The following SLC26A7 variants were observed in gnomAD, a reference collection of about 807,000 sequenced individuals.
SLC26A7 encodes anion exchange transporter.
SLC26A7 carries 59 observed loss-of-function variants against 82.5 expected under a neutral mutation model. The observed-to-expected ratio is 0.72, with a 90% CI of 0.58 to 0.89. SLC26A7 has a LOEUF of 0.89. Ranked by LOEUF, SLC26A7 falls within the 40% of genes least tolerant of loss-of-function variation. SLC26A7 has a pLI of 0.00. For synonymous variants in SLC26A7, 271 were observed against 274.3 expected (o/e 0.99, Z 0.12); for missense variants, 820 against 793.0 (o/e 1.03, Z -0.41).
chr8:91,361,144 A>T (rs1272246606), intron 11 of SLC26A7, among the ~76,000 whole-genome samples: 1 of 152,200 alleles, frequency 6.6e-6, no homozygotes, highest in East Asian at 1.9e-4. Flanking sequence ...TTTTAAGGAT[A>T]AAATTCCCTC....
intron 2 of SLC26A7, among the ~76,000 whole-genome samples, chr8:91,261,234 G>A (rs572992683): frequency 2.0e-5 from 3 of 152,070 alleles, no homozygotes; most frequent in Admixed American, 6.6e-5. Context: ...AAAGAATACA[G>A]CCTTTTGCTA....
chr8:91,289,068 T>C, intron 2 of SLC26A7, 68 bp from the exon 3 acceptor site: 1 of 984,590 alleles, frequency 1.0e-6, no homozygotes, highest in Non-Finnish European at 1.6e-6. Flanking sequence ...CCAATACCTA[T>C]TCTTTTGTGT....
At chr8:91,343,191 C>T in intron 8 of SLC26A7, 162 bp from the exon 9 acceptor site, 1 of 558,482 alleles carries the variant, frequency 1.8e-6, no homozygotes, top group Non-Finnish European at 3.2e-6. Flanking sequence ...ATTGTAAGCA[C>T]CCAATAAATG....
At chr8:91,353,700 A>T (rs1162384889) in intron 11 of SLC26A7, among the ~76,000 whole-genome samples, 4 of 151,862 alleles carry the variant, frequency 2.6e-5, no homozygotes. Context: ...TGAAATACAT[A>T]TTTTCTCTTC....
intron 18 of SLC26A7, chr8:91,394,663 G>C: frequency 9.0e-7 from 1 of 1,111,462 alleles, no homozygotes; most frequent in South Asian, 3.2e-5. Flanking sequence ...AATCAGAACA[G>C]TATGTATTTA....
chr8:91,222,189 A>G (rs1022950446), intron 2 of SLC26A7, among the ~76,000 whole-genome samples: 8 of 152,106 alleles, frequency 5.3e-5, no homozygotes, highest in African/African-American at 1.4e-4. Context: ...TTATTGGTGT[A>G]TAGGAATGCT....
chr8:91,297,139 A>G (rs1383121707), intron 4 of SLC26A7, among the ~76,000 whole-genome samples: 3 of 152,092 alleles, frequency 2.0e-5, no homozygotes, highest in Non-Finnish European at 2.9e-5. Flanking sequence ...GGTTTTTACT[A>G]GAGTTGGATA....
intron 2 of SLC26A7, among the ~76,000 whole-genome samples, chr8:91,224,777 C>T (rs778181739): frequency 1.4e-4 from 22 of 152,196 alleles, no homozygotes; most frequent in African/African-American, 1.7e-4. Flanking sequence ...TTCCTCAGAA[C>T]GACCAGGAGG....
At chr8:91,313,340 A>G (rs1258974186) in intron 4 of SLC26A7, among the ~76,000 whole-genome samples, 1 of 152,088 alleles carries the variant, frequency 6.6e-6, no homozygotes, top group African/African-American at 2.4e-5. Flanking sequence ...ATTGGTCTAT[A>G]TATCTTTTTA....
At chr8:91,318,520 G>A in intron 5 of SLC26A7, 140 bp downstream of exon 5, 1 of 611,434 alleles carries the variant, frequency 1.6e-6, no homozygotes, top group Non-Finnish European at 2.5e-6. Context: ...TATTTTGAGT[G>A]TGACTTAAGG....
At chr8:91,294,354 A>C (rs1379411763) in intron 3 of SLC26A7, among the ~76,000 whole-genome samples, 1 of 152,102 alleles carries the variant, frequency 6.6e-6, no homozygotes, top group Non-Finnish European at 1.5e-5. Context: ...ATTTTAGGCC[A>C]GGTTTTTTGG....
At chr8:91,321,574 T>C (rs1304167575) in intron 5 of SLC26A7, among the ~76,000 whole-genome samples, 1 of 152,180 alleles carries the variant, frequency 6.6e-6, no homozygotes, top group Non-Finnish European at 1.5e-5. Context: ...AGAATAACTG[T>C]CATGACCCTA....
upstream of SLC26A7, among the ~76,000 whole-genome samples, chr8:91,247,608 A>G (rs1406361246): frequency 1.3e-5 from 2 of 152,164 alleles, no homozygotes; most frequent in Non-Finnish European, 1.5e-5. Flanking sequence ...TTTTAAATTG[A>G]GAGATTTCAG....
intron 2 of SLC26A7, among the ~76,000 whole-genome samples, chr8:91,266,241 A>G (rs1314100075): frequency 6.6e-6 from 1 of 151,836 alleles, no homozygotes; most frequent in East Asian, 1.9e-4. Flanking sequence ...TTCCATACAC[A>G]TTTTAGGCTT....
intron 16 of SLC26A7, 134 bp from the exon 17 acceptor site, chr8:91,393,663 C>T: frequency 1.1e-6 from 1 of 875,372 alleles, no homozygotes; most frequent in Non-Finnish European, 1.8e-6. Flanking sequence ...GACTGTGTAA[C>T]AATGCCTCCC....
At chr8:91,225,609 A>G (rs1294332402) in intron 2 of SLC26A7, among the ~76,000 whole-genome samples, 2 of 109,824 alleles carry the variant, frequency 1.8e-5, no homozygotes, top group Non-Finnish European at 3.6e-5. Flanking sequence ...TGCTGCTTCT[A>G]GTAAGCCATC....
At position 91,385,125 on chromosome 8, in the gene SLC26A7, T is replaced by C. The variant is rs143912758; in HGVS notation, c.1676-4213T>C. On this transcript the variant is annotated intron_variant, in intron 15 of 18. Coordinates refer to ENST00000276609, the MANE Select transcript of SLC26A7 (RefSeq NM_052832.4). ...TTACCCACCCACACCTGATGGTTAATTTCTTTCTGAAATGTTGTTTTTGTG... is the reference window on the plus strand; with the variant it reads ...TTACCCACCCACACCTGATGGTTAACTTCTTTCTGAAATGTTGTTTTTGTG... 2.8e-4 allele frequency among the ~76,000 whole-genome samples: 42 copies of C among 152,314 alleles called. No homozygotes were observed. The East Asian group carries it at 7.9e-3, about 29-fold the overall frequency.
At chr8:91,220,738 T>C (rs1269491035) in intron 2 of SLC26A7, among the ~76,000 whole-genome samples, 2 of 152,210 alleles carry the variant, frequency 1.3e-5, no homozygotes, top group African/African-American at 2.4e-5. Flanking sequence ...ATATTTTCTT[T>C]ATCCATTCTA....
chr8:91,248,706 A>G (rs1810583331), upstream of SLC26A7, among the ~76,000 whole-genome samples: 1 of 152,166 alleles, frequency 6.6e-6, no homozygotes, highest in African/African-American at 2.4e-5. Flanking sequence ...AAAAAAGCTA[A>G]GGATACTTCA....
Sources: allele counts gnomAD v4.1 joint callset (sites outside exome capture counted in the v4.1 genomes callset), GRCh38; gene constraint gnomAD v4.1.1; transcripts MANE v1.5; gene names NCBI Gene and HGNC (gene_info 2026-07-23, HGNC 2026-07-21).